BPIFB4: variants seen among roughly 807,000 people sequenced by gnomAD.
BPIFB4 encodes BPI fold containing family B member 4.
BPIFB4 carries 62 observed loss-of-function variants against 69.2 expected under a neutral mutation model. That is an observed-to-expected ratio of 0.90 (90% confidence interval 0.73 to 1.11). BPIFB4 has a LOEUF of 1.11. BPIFB4 is among the 50% of genes least tolerant of loss of function. The probability of loss-of-function intolerance (pLI) is 0.00; values close to 1 mark genes in which losing one functional copy is unlikely to be tolerated. For missense variants in BPIFB4, 789 were observed against 792.0 expected, an observed-to-expected ratio of 1.00 and a Z score of 0.04; for synonymous variants, 330 against 332.7, an observed-to-expected ratio of 0.99 and a Z score of 0.09.
intron 9 of BPIFB4, among the ~76,000 whole-genome samples, chr20:33,090,384 G>A (rs982774317): frequency 6.6e-6 from 1 of 152,170 alleles, no homozygotes; most frequent in Non-Finnish European, 1.5e-5. Flanking sequence ...TTCCTTCCCT[G>A]GTGCACAGCA....
intron 1 of BPIFB4, 142 bp downstream of exon 1, chr20:33,079,845 C>G (rs1222465498): frequency 6.6e-6 from 1 of 152,292 alleles, no homozygotes; most frequent in Non-Finnish European, 1.5e-5. Flanking sequence ...TAGCATGGGC[C>G]TAGTCAGGAG....
chr20:33,111,360 GC>G, intron 17 of BPIFB4, 53 bp from the exon 18 acceptor site: 4 of 1,611,742 alleles, frequency 2.5e-6, no homozygotes, highest in Non-Finnish European at 3.4e-6. Flanking sequence ...GAGTAGCAAG[GC>G]TCTAGCCAGA....
intron 6 of BPIFB4, 125 bp downstream of exon 6, chr20:33,085,121 A>G: frequency 6.8e-7 from 1 of 1,472,292 alleles, no homozygotes; most frequent in South Asian, 1.4e-5. Flanking sequence ...ACCAGAGGCC[A>G]TCTGTCAGCG....
chr20:33,103,281 G>A (rs973111709), intron 15 of BPIFB4, among the ~76,000 whole-genome samples: 1 of 152,186 alleles, frequency 6.6e-6, no homozygotes, highest in Non-Finnish European at 1.5e-5. Flanking sequence ...TGCCCCATGG[G>A]GGGCCACTTG....
intron 11 of BPIFB4, among the ~76,000 whole-genome samples, chr20:33,094,236 C>T (rs1362924593): frequency 6.6e-6 from 1 of 152,182 alleles, no homozygotes; most frequent in African/African-American, 2.4e-5. Context: ...CAATGATATC[C>T]ATGCAGAAGG....
rs370946146 is a variant in BPIFB4, at chr20:33,088,591, C to T, written c.927-375C>T. On this transcript the variant is annotated intron_variant, in intron 7 of 17. Coordinates refer to ENST00000375483, the MANE Select transcript of BPIFB4 (RefSeq NM_182519.3). ...AGATGCTTAGATAAATAAACACGTT[C>T]GTTTTCCCTTTGGAAACACAACATA... is the stretch of plus-strand genomic sequence containing the variant. 9.9e-5 allele frequency among the ~76,000 whole-genome samples: 15 copies of T among 152,250 alleles called. No individual in the cohort carries two copies. In the East Asian group the frequency reaches 1.5e-3, roughly 16 times the overall value.
At chr20:33,102,355 C>G (rs1237925551) in intron 14 of BPIFB4, among the ~76,000 whole-genome samples, 1 of 152,244 alleles carries the variant, frequency 6.6e-6, no homozygotes, top group African/African-American at 2.4e-5. Context: ...CCGGTCTGGC[C>G]TCTCTCGGGT....
rs199704336 is a variant in BPIFB4, at chr20:33,084,886, G to A, written c.678-6G>A. The A allele has an allele frequency of 2.0e-4, 321 of 1,605,262 alleles. No homozygotes were observed. The highest frequency in any genetic ancestry group is 1.3e-4 in the Non-Finnish European group (152 of 1,179,692). ...CGGCCTTCTCACCACTCTGTGTCCC[G>A]AGCAGGCTGCGTATCGTGGAGCTGA... On this transcript the variant is annotated splice_polypyrimidine_tract_variant and splice_region_variant and intron_variant, in intron 5 of 17. Coordinates refer to ENST00000375483, the MANE Select transcript of BPIFB4 (RefSeq NM_182519.3).
At chr20:33,085,689 G>T (rs1399194300) in intron 6 of BPIFB4, among the ~76,000 whole-genome samples, 1 of 152,194 alleles carries the variant, frequency 6.6e-6, no homozygotes, top group Non-Finnish European at 1.5e-5. Flanking sequence ...TGCACTAGGT[G>T]CTGACTAGAG....
chr20:33,083,811 GA>G lies in BPIFB4; in HGVS notation c.615del (p.Gly207ValfsTer26), dbSNP rs769159770. On this transcript the variant is annotated frameshift_variant, in exon 5 of 18. Coordinates refer to ENST00000375483, the MANE Select transcript of BPIFB4 (RefSeq NM_182519.3). LOFTEE classifies it high-confidence loss of function. ...GLLGDGGLLG[G>X]GGVLGVLGEG... ...CTTGGTGATGGAGGACTTCTTGGAGGAGGGGGTGTCCTGGGCGTGCTCGGCG... is the reference window on the plus strand; with the variant it reads ...CTTGGTGATGGAGGACTTCTTGGAGGGGGGGTGTCCTGGGCGTGCTCGGCG... 1 of 1,613,716 alleles carries G rather than the reference GA, an allele frequency of 6.2e-7. No individual in the cohort carries two copies. Among genetic ancestry groups the G allele is most frequent in the Non-Finnish European group, 8.5e-7 (1 of 1,179,752 alleles).
chr20:33,092,010 G>A (rs1350900181), intron 10 of BPIFB4, among the ~76,000 whole-genome samples: 3 of 152,164 alleles, frequency 2.0e-5, no homozygotes, highest in South Asian at 4.1e-4. Context: ...CCATGGTGGG[G>A]GTAGTGGTGT....
Position 33,102,999 on chromosome 20 carries a change from C to T in BPIFB4, c.1665C>T (p.Asn555=), listed in dbSNP as rs751732222. Residue 555 remains asparagine, a synonymous_variant, in exon 15 of 18, where the codon AAC becomes AAT. Transcript: ENST00000375483. ...EKTSLNLRTS[N]VGNFDIGLME... Reference sequence around the variant, plus strand: ...CCAGCCTCAACCTCAGAACCTCAAACGTGGGCAACTTTGATGTAAGTACCA... The same window carrying T: ...CCAGCCTCAACCTCAGAACCTCAAATGTGGGCAACTTTGATGTAAGTACCA... 6.2e-6 allele frequency: 10 copies of T among 1,613,992 alleles called. No individual in the cohort carries two copies. Among genetic ancestry groups the T allele is most frequent in the South Asian group, 4.4e-5 (4 of 91,078 alleles).
At chr20:33,098,154 G>C (rs941471199) in intron 13 of BPIFB4, among the ~76,000 whole-genome samples, 2 of 152,162 alleles carry the variant, frequency 1.3e-5, no homozygotes, top group African/African-American at 4.8e-5. Flanking sequence ...CAGGGGGATG[G>C]CAGTAGGGCA....
chr20:33,098,240 T>C (rs905544442), intron 13 of BPIFB4, among the ~76,000 whole-genome samples: 2 of 152,124 alleles, frequency 1.3e-5, no homozygotes, highest in African/African-American at 4.8e-5. Context: ...TTCTCACAGG[T>C]TGCCTATACC....
chr20:33,105,028 C>T (rs764649897), intron 16 of BPIFB4, among the ~76,000 whole-genome samples, 155 bp downstream of exon 16: 2 of 152,158 alleles, frequency 1.3e-5, no homozygotes, highest in Non-Finnish European at 2.9e-5. Context: ...CAAATCCAAA[C>T]GTGGCCCCCA....
intron 10 of BPIFB4, among the ~76,000 whole-genome samples, chr20:33,091,898 G>A (rs564486951): frequency 3.3e-5 from 5 of 152,330 alleles, no homozygotes; most frequent in South Asian, 4.1e-4. Flanking sequence ...GGGAAGTCAA[G>A]GAGGGCTTCC....
Position 33,082,971 on chromosome 20 carries a change from T to C in BPIFB4, c.140T>C (p.Leu47Pro). 6.2e-7 allele frequency: 1 copy of C among 1,613,114 alleles called. No homozygotes were observed. Among genetic ancestry groups the C allele is most frequent in the Non-Finnish European group, 8.5e-7 (1 of 1,179,694 alleles). ...GGCATGCTGCAGCAAAGTGATGCTC[T>C]CCACTCGGCCCTGAGAGAGGTGCCC... ...ISGMLQQSDA[L>P]HSALREVPLG... Residue 47 changes from leucine to proline, a missense_variant, in exon 4 of 18, where the codon CTC becomes CCC. Leu to Pro is a moderately conservative substitution (Grantham distance 98). Coordinates refer to ENST00000375483, the MANE Select transcript of BPIFB4 (RefSeq NM_182519.3).
chr20:33,087,307 T>C (rs1981459139), intron 7 of BPIFB4, among the ~76,000 whole-genome samples: 1 of 152,168 alleles, frequency 6.6e-6, no homozygotes, highest in Admixed American at 6.5e-5. Context: ...ATCTCTCAAT[T>C]CTCCTTCCAG....
chr20:33,110,879 G>A (rs919900503), intron 17 of BPIFB4, among the ~76,000 whole-genome samples: 13 of 148,280 alleles, frequency 8.8e-5, no homozygotes, highest in East Asian at 8.0e-4. Flanking sequence ...GCAATGGCGC[G>A]ATCTCGGCTC....
Sources: gnomAD v4.1 joint callset for allele counts (sites outside exome capture counted in the v4.1 genomes callset) on GRCh38, gnomAD v4.1.1 for gene constraint, MANE v1.5 for transcripts, NCBI Gene and HGNC (gene_info 2026-07-23, HGNC 2026-07-21) for gene names.